The following EYS variants were observed in gnomAD, a reference collection of about 807,000 sequenced individuals.
The protein encoded by EYS is protein eyes shut homolog.
In EYS, 250 loss-of-function variants were observed where a neutral mutation model predicts 282.1. The observed-to-expected ratio is 0.89, with a 90% confidence interval of 0.80 to 0.98. The LOEUF is 0.98. Ranked by LOEUF, EYS falls within the 50% of genes least tolerant of loss-of-function variation. The pLI, the probability that EYS is intolerant of heterozygous loss-of-function variation, is 0.00. For missense variants in EYS, 4,016 were observed against 3,709.0 expected (o/e 1.08, Z -2.15); for synonymous variants, 1,355 against 1,282.9 (o/e 1.06, Z -1.20).
chr6:64,027,275 T>A (rs973515346), intron 33 of EYS, among the ~76,000 whole-genome samples: 1 of 152,160 alleles, frequency 6.6e-6, no homozygotes, highest in Non-Finnish European at 1.5e-5. Context: ...ATGTCCACCA[T>A]AACTCAGGGA....
chr6:64,763,542 A>G (rs1204429298), intron 22 of EYS, among the ~76,000 whole-genome samples: 1 of 152,080 alleles, frequency 6.6e-6, no homozygotes, highest in African/African-American at 2.4e-5. Flanking sequence ...TCCCAACTGG[A>G]GTTGAGATTT....
intron 28 of EYS, among the ~76,000 whole-genome samples, chr6:64,421,347 T>C (rs1029718085): frequency 1.3e-5 from 2 of 152,062 alleles, no homozygotes; most frequent in Admixed American, 1.3e-4. Context: ...TCCTACTGGC[T>C]CCCTCCCATG....
At chr6:65,045,053 T>G (rs1262568478) in intron 13 of EYS, among the ~76,000 whole-genome samples, 1 of 151,862 alleles carries the variant, frequency 6.6e-6, no homozygotes, top group Non-Finnish European at 1.5e-5. Context: ...TGTCTGCTTC[T>G]GGTAACTCTT....
chr6:64,957,351 AC>A (rs1769743515), intron 14 of EYS, among the ~76,000 whole-genome samples: 1 of 152,148 alleles, frequency 6.6e-6, no homozygotes, highest in African/African-American at 2.4e-5. Context: ...GCATGTTCTC[AC>A]TTAGTTGTGA....
At chr6:63,787,023 G>C (rs978423826) in intron 39 of EYS, 1 of 152,062 alleles carries the variant, frequency 6.6e-6, no homozygotes, top group East Asian at 1.9e-4. Flanking sequence ...AGAGAAGAAT[G>C]ATAAAATTAG....
chr6:64,390,358 A>G (rs1457201269), intron 28 of EYS, among the ~76,000 whole-genome samples: 1 of 152,162 alleles, frequency 6.6e-6, no homozygotes, highest in Non-Finnish European at 1.5e-5. Flanking sequence ...TAACCTCTGC[A>G]GACTTAAATG....
chr6:64,856,047 A>G (rs539806363), intron 19 of EYS, among the ~76,000 whole-genome samples: 1 of 152,190 alleles, frequency 6.6e-6, no homozygotes, highest in Non-Finnish European at 1.5e-5. Flanking sequence ...GCTTTCAACA[A>G]TTATGAATAA....
At chr6:64,750,770 T>C (rs770600864) in intron 22 of EYS, among the ~76,000 whole-genome samples, 1 of 151,976 alleles carries the variant, frequency 6.6e-6, no homozygotes, top group Non-Finnish European at 1.5e-5. Flanking sequence ...ATATAGAAGG[T>C]ATATGGGAAT....
intron 29 of EYS, among the ~76,000 whole-genome samples, chr6:64,346,407 A>G (rs1424655563): frequency 6.6e-6 from 1 of 152,042 alleles, no homozygotes; most frequent in Non-Finnish European, 1.5e-5. Context: ...TTGTAGGGAC[A>G]TGGATGAAGC....
In EYS at chr6:64,886,729, C is replaced by A. The variant is rs1767099087; in HGVS notation, c.2960G>T (p.Gly987Val). The A allele has an allele frequency of 6.5e-7, 1 of 1,546,082 alleles. No homozygotes were observed. The highest frequency in any genetic ancestry group is 1.2e-5 in the South Asian group (1 of 83,430). Residue 987 changes from glycine to valine, a missense_variant, in exon 19 of 43, where the codon GGA becomes GTA. By Grantham distance (109) the Gly-to-Val change is moderately radical. Transcript: ENST00000503581. Reference protein sequence around the residue: ...DEENCVYRTDGYNCLCAPGYT... With the variant: ...DEENCVYRTDVYNCLCAPGYT... Reference sequence around the variant, plus strand: ...ACCAGGGGCACAGAGGCAGTTGTATCCATCAGTCCTGTAGACACAATTTTC... The same window carrying A: ...ACCAGGGGCACAGAGGCAGTTGTATACATCAGTCCTGTAGACACAATTTTC...
At chr6:64,766,578 G>C (rs1224866438) in intron 22 of EYS, among the ~76,000 whole-genome samples, 1 of 136,018 alleles carries the variant, frequency 7.4e-6, no homozygotes, top group Non-Finnish European at 1.6e-5. Flanking sequence ...TTTGCAGTGA[G>C]CCAAGATCAT....
chr6:64,700,115 G>A (rs1021205091), intron 22 of EYS, among the ~76,000 whole-genome samples: 2 of 151,834 alleles, frequency 1.3e-5, no homozygotes, highest in African/African-American at 2.4e-5. Flanking sequence ...CCACATAAAC[G>A]GAATTAAAAT....
chr6:64,291,422 T>C (rs1447664583), intron 30 of EYS, among the ~76,000 whole-genome samples: 1 of 152,140 alleles, frequency 6.6e-6, no homozygotes, highest in Non-Finnish European at 1.5e-5. Context: ...ATTCATTTTA[T>C]TGCAAAACTG....
At chr6:64,850,881 AT>A (rs1317564676) in intron 19 of EYS, among the ~76,000 whole-genome samples, 2 of 152,132 alleles carry the variant, frequency 1.3e-5, no homozygotes, top group African/African-American at 4.8e-5. Flanking sequence ...GACAACCAAC[AT>A]AATTTTATTG....
intron 34 of EYS, among the ~76,000 whole-genome samples, chr6:63,992,616 G>T (rs1767652765): frequency 6.6e-6 from 1 of 151,340 alleles, no homozygotes; most frequent in African/African-American, 2.4e-5. Flanking sequence ...AAGCTTCATG[G>T]TAACCATAAA....
At position 64,834,952 on chromosome 6, in the gene EYS, A is replaced by T. The variant is rs1765337495; in HGVS notation, c.2993-12130T>A. Among the ~76,000 whole-genome samples the T allele has an allele frequency of 2.6e-5, 4 of 151,768 alleles. No homozygotes were observed. In the South Asian group the frequency reaches 8.3e-4, roughly 31 times the overall value. ...CAGTCCAATATCAAATAATAGCAAA[A>T]ATAAGCTTTGAAGTAACATCTTCTG... On this transcript the variant is annotated intron_variant, in intron 19 of 42. Coordinates refer to ENST00000503581, the MANE Select transcript of EYS (RefSeq NM_001142800.2).
intron 2 of EYS, among the ~76,000 whole-genome samples, chr6:65,580,439 C>T (rs1764827406): frequency 6.6e-6 from 1 of 151,976 alleles, no homozygotes; most frequent in African/African-American, 2.4e-5. Flanking sequence ...TTGTAGACAA[C>T]AAATTACAAA....
chr6:65,580,872 A>G (rs556243085), intron 2 of EYS, among the ~76,000 whole-genome samples: 1 of 152,192 alleles, frequency 6.6e-6, no homozygotes, highest in South Asian at 2.1e-4. Flanking sequence ...GCCATTTTTT[A>G]TCTCAAGGTA....
At chr6:64,288,474 A>G (rs1287019935) in intron 30 of EYS, among the ~76,000 whole-genome samples, 1 of 152,006 alleles carries the variant, frequency 6.6e-6, no homozygotes, top group African/African-American at 2.4e-5. Flanking sequence ...GCTGCTGCTG[A>G]GCAAATTCTT....
Sources: gnomAD v4.1 joint callset for allele counts (sites outside exome capture counted in the v4.1 genomes callset) on GRCh38, gnomAD v4.1.1 for gene constraint, MANE v1.5 for transcripts, NCBI Gene and HGNC (gene_info 2026-07-23, HGNC 2026-07-21) for gene names.